The following KIR2DL3 variants were observed in gnomAD, a reference collection of about 807,000 sequenced individuals.
KIR2DL3 encodes killer cell immunoglobulin like receptor, two Ig domains and long cytoplasmic tail 3.
Under a neutral mutation model 33.8 loss-of-function variants are expected in KIR2DL3, and 39 were observed. That is an observed-to-expected ratio of 1.15 (90% CI 0.89 to 1.51). The LOEUF (loss-of-function observed/expected upper bound fraction) is 1.51. KIR2DL3 is among the 40% of genes most tolerant of loss of function. KIR2DL3 has a pLI of 0.00. For synonymous variants in KIR2DL3, 174 were observed against 160.2 expected, an observed-to-expected ratio of 1.09 and a Z score of -0.65; for missense variants, 462 against 426.2, an observed-to-expected ratio of 1.08 and a Z score of -0.74.
At chr19:54,739,018 G>A (rs1454803592) in intron 1 of KIR2DL3, among the ~76,000 whole-genome samples, 3 of 150,342 alleles carry the variant, frequency 2.0e-5, no homozygotes, top group African/African-American at 7.4e-5. Flanking sequence ...GTAGAGATAT[G>A]GGCCTGGAGT....
intron 1 of KIR2DL3, 32 bp from the exon 2 acceptor site, chr19:54,739,475 G>C: frequency 6.2e-7 from 1 of 1,613,852 alleles, no homozygotes; most frequent in South Asian, 1.1e-5. Flanking sequence ...TTTGCCTGCA[G>C]ATGGATGGTC....
chr19:54,747,945 C>T (rs1389010338), intron 5 of KIR2DL3, among the ~76,000 whole-genome samples: 9 of 152,312 alleles, frequency 5.9e-5, no homozygotes, highest in African/African-American at 2.2e-4. Context: ...TAACAAATTT[C>T]CACAAGATTC....
intron 1 of KIR2DL3, among the ~76,000 whole-genome samples, chr19:54,738,855 AGAGATAGGGGCCTGGAGTG>A (rs1417876071): frequency 0.19 from 11,206 of 60,128 alleles, 6 homozygotes; most frequent in Middle Eastern, 0.28. Flanking sequence ...GGCCTGCAGT[AGAGATAGGGGCCTGGAGTG>A]GAGATATGGG....
At chr19:54,745,455 T>A (rs1391880757) in intron 4 of KIR2DL3, among the ~76,000 whole-genome samples, 1 of 151,812 alleles carries the variant, frequency 6.6e-6, no homozygotes, top group East Asian at 1.9e-4. Context: ...CTCCGCCTCC[T>A]GGGTTCAAAT....
intron 2 of KIR2DL3, 66 bp downstream of exon 2, chr19:54,739,608 G>A (rs2070617008): frequency 1.2e-6 from 2 of 1,612,656 alleles, no homozygotes. Context: ...GAAACAGGAG[G>A]GAAGTCCTGT....
rs759670334 is a variant in KIR2DL3 at position 54,744,051 on chromosome 19, G to T, written c.627G>T (p.Trp209Cys). 6.2e-7 allele frequency: 1 copy of T among 1,614,236 alleles called. No individual in the cohort carries two copies. Among genetic ancestry groups the T allele is most frequent in the South Asian group, 1.1e-5 (1 of 91,086 alleles). ...CTTTCCGTGACTCTCCATACGAGTG[G>T]TCAAACTCGAGTGACCCACTGCTTG... ...FGSFRDSPYEWSNSSDPLLVS... is the reference protein window; with the variant it reads ...FGSFRDSPYECSNSSDPLLVS... Residue 209 changes from tryptophan (W) to cysteine (C), a missense_variant, in exon 4 of 8, where the codon TGG becomes TGT. By Grantham distance (215) the Trp-to-Cys change is radical. Transcript: ENST00000342376.
At chr19:54,739,404 G>A (rs1465467711) in intron 1 of KIR2DL3, 103 bp from the exon 2 acceptor site, 17 of 1,593,672 alleles carry the variant, frequency 1.1e-5, no homozygotes, top group Non-Finnish European at 1.4e-5. Flanking sequence ...TTTAACTTCA[G>A]CCCAGGAAGG....
At chr19:54,749,582 G>A (rs2147161411) in intron 5 of KIR2DL3, among the ~76,000 whole-genome samples, 1 of 91,914 alleles carries the variant, frequency 1.1e-5, no homozygotes, top group African/African-American at 4.1e-5. Context: ...AGTGGTGGTG[G>A]AAATGAAGAG....
chr19:54,742,087 C>G lies in KIR2DL3; in HGVS notation c.178C>G (p.Leu60Val). 3 of 1,613,802 alleles carry G rather than the reference C, an allele frequency of 1.9e-6. No homozygotes were observed. The highest frequency in any genetic ancestry group is 1.7e-5 in the Admixed American group (1 of 59,960). The change falls in exon 3 of 8, where the codon CTG (leucine) becomes GTG (valine). Residue 60 changes from leucine (L) to valine (V), a missense_variant. By Grantham distance (32) the Leu-to-Val change is conservative. Coordinates refer to ENST00000342376, the MANE Select transcript of KIR2DL3 (RefSeq NM_015868.3). ...AGATGTCAGGTTTCAGCACTTCCTTCTGCACAGAGAAGGGAAGTTTAAGGA... is the reference window on the plus strand; with the variant it reads ...AGATGTCAGGTTTCAGCACTTCCTTGTGCACAGAGAAGGGAAGTTTAAGGA... Reference protein sequence around the residue: ...WSDVRFQHFLLHREGKFKDTL... With the variant: ...WSDVRFQHFLVHREGKFKDTL...
At chr19:54,740,050 T>C (rs368345009) in intron 2 of KIR2DL3, among the ~76,000 whole-genome samples, 9,141 of 151,756 alleles carry the variant, frequency 0.06, 374 homozygotes, top group African/African-American at 0.12. Context: ...TAAAATCTAG[T>C]AGGAGTCTCT....
At chr19:54,746,201 G>C (rs1436502259) in intron 4 of KIR2DL3, among the ~76,000 whole-genome samples, 1 of 133,766 alleles carries the variant, frequency 7.5e-6, no homozygotes, top group African/African-American at 2.8e-5. Context: ...GCACTTTTTA[G>C]TATGTGGGGA....
Position 54,743,923 on chromosome 19 carries a change from C to A in KIR2DL3, c.499C>A (p.His167Asn), listed in dbSNP as rs745357733. ...MYHLSREGEAHERRFSAGPKV... is the reference protein window; with the variant it reads ...MYHLSREGEANERRFSAGPKV... ...CCATCTATCCAGGGAGGGGGAGGCC[C>A]ATGAACGTAGGTTCTCTGCAGGGCC... The change falls in exon 4 of 8, where the codon CAT (histidine) becomes AAT (asparagine). Residue 167 changes from histidine (H) to asparagine (N), a missense_variant. By Grantham distance (68) the His-to-Asn change is moderately conservative. Coordinates refer to ENST00000342376, the MANE Select transcript of KIR2DL3 (RefSeq NM_015868.3). 1.2e-6 allele frequency: 2 copies of A among 1,614,046 alleles called. No homozygotes were observed. Among genetic ancestry groups the A allele is most frequent in the Non-Finnish European group, 1.7e-6 (2 of 1,180,028 alleles).
intron 5 of KIR2DL3, among the ~76,000 whole-genome samples, chr19:54,750,146 A>G (rs114195871): frequency 0.072 from 9,458 of 131,320 alleles, 2,067 homozygotes; most frequent in Middle Eastern, 0.15. Context: ...TGCTCTGTTC[A>G]TCGCAACAAA....
chr19:54,751,454 T>A lies in KIR2DL3; in HGVS notation c.716-195T>A, dbSNP rs139867131. On this transcript the variant is annotated intron_variant, in intron 5 of 7. Transcript: ENST00000342376. ...GGTCAAACATCTCAACTAAAGTAGT[T>A]GTATCCTCAACACGTTCTATGGTTA... Among the ~76,000 whole-genome samples, 1,144 of 119,898 alleles carry A rather than the reference T, an allele frequency of 9.5e-3. 234 individuals are homozygous for A. The highest frequency in any genetic ancestry group is 0.033 in the African/African-American group (1,082 of 32,902). 78.7% of individuals were successfully genotyped at this position (119,898 alleles called of 152,430 possible).
At chr19:54,739,126 G>A (rs1468450979) in intron 1 of KIR2DL3, among the ~76,000 whole-genome samples, 13 of 151,138 alleles carry the variant, frequency 8.6e-5, no homozygotes, top group Non-Finnish European at 1.9e-4. Context: ...GCCTGGGTGT[G>A]GAGATATGGG....
chr19:54,747,594 A>T (rs2072751369), intron 5 of KIR2DL3, among the ~76,000 whole-genome samples: 1 of 152,060 alleles, frequency 6.6e-6, no homozygotes, highest in South Asian at 2.1e-4. Flanking sequence ...TGGAGCTGAG[A>T]CCTCCTACAA....
intron 4 of KIR2DL3, among the ~76,000 whole-genome samples, chr19:54,744,595 C>G (rs1421771161): frequency 6.6e-6 from 1 of 151,038 alleles, no homozygotes; most frequent in African/African-American, 2.4e-5. Context: ...GGCACAATCT[C>G]AGCTCACTGC....
At position 54,752,981 on chromosome 19, in the gene KIR2DL3, G is replaced by T; in HGVS notation, c.*462G>T. The T allele has an allele frequency of 4.9e-6, 1 of 203,382 alleles. No individual in the cohort carries two copies. 12.6% of individuals were successfully genotyped at this position (203,382 alleles called of 1,614,324 possible). ...ACTAGCTTTCAGCCTTCTGTCAGCAGTAAAACTTATATATTTTTTAAAATA... is the reference window on the plus strand; with the variant it reads ...ACTAGCTTTCAGCCTTCTGTCAGCATTAAAACTTATATATTTTTTAAAATA... On this transcript the variant is annotated 3_prime_UTR_variant, in exon 8 of 8. Transcript: ENST00000342376.
intron 5 of KIR2DL3, among the ~76,000 whole-genome samples, chr19:54,749,034 C>T (rs1286194578): frequency 3.3e-5 from 5 of 152,070 alleles, no homozygotes; most frequent in Non-Finnish European, 7.3e-5. Flanking sequence ...GGATTGAACC[C>T]CTGAAAGATT....
Sources: allele counts gnomAD v4.1 joint callset (sites outside exome capture counted in the v4.1 genomes callset), GRCh38; gene constraint gnomAD v4.1.1; transcripts MANE v1.5; gene names NCBI Gene and HGNC (gene_info 2026-07-23, HGNC 2026-07-21).